Variants in ADGRL3 observed in about 807,000 individuals in gnomAD.
The protein encoded by ADGRL3 is calcium-independent alpha-latrotoxin receptor 3.
In ADGRL3, 62 loss-of-function variants were observed where a neutral mutation model predicts 153.5. The ratio of observed to expected loss-of-function variants is 0.40; its 90% CI spans 0.33 to 0.50. The LOEUF is 0.50. ADGRL3 is among the 20% of genes least tolerant of loss of function. ADGRL3 has a pLI of 0.47. For missense variants in ADGRL3, 1,641 were observed against 1,859.4 expected (o/e 0.88, Z 2.16); for synonymous variants, 710 against 672.5 (o/e 1.06, Z -0.86).
intron 1 of ADGRL3, among the ~76,000 whole-genome samples, chr4:61,292,635 A>G (rs2094264018): frequency 6.6e-6 from 1 of 152,170 alleles, no homozygotes; most frequent in Admixed American, 6.6e-5. Flanking sequence ...AGTGAATAAC[A>G]CAAATACCAG....
intron 9 of ADGRL3, among the ~76,000 whole-genome samples, chr4:61,848,918 G>A (rs2098169043): frequency 6.6e-6 from 1 of 152,126 alleles, no homozygotes; most frequent in Non-Finnish European, 1.5e-5. Context: ...CAGAGGCAGT[G>A]AAGAAAGCTC....
intron 3 of ADGRL3, among the ~76,000 whole-genome samples, chr4:61,506,584 G>T (rs572849580): frequency 7.2e-5 from 11 of 152,174 alleles, no homozygotes; most frequent in Non-Finnish European, 1.2e-4. Context: ...TATTCAAAGT[G>T]CAATTCTGTC....
intron 1 of ADGRL3, among the ~76,000 whole-genome samples, chr4:61,360,004 A>G (rs1052009992): frequency 6.6e-6 from 1 of 152,152 alleles, no homozygotes; most frequent in Non-Finnish European, 1.5e-5. Context: ...TTTTCAGCTG[A>G]TGTTTCATCT....
chr4:61,600,307 C>CAAAAAA (rs60557691), intron 5 of ADGRL3, among the ~76,000 whole-genome samples: 17,677 of 61,768 alleles, frequency 0.29, 5,166 homozygotes, highest in East Asian at 0.67. Flanking sequence ...GGCTGCCTTG[C>CAAAAAA]AAAAAAAAAA....
At chr4:62,046,190 G>A (rs941310474) in intron 25 of ADGRL3, among the ~76,000 whole-genome samples, 6 of 151,628 alleles carry the variant, frequency 4.0e-5, no homozygotes, top group Non-Finnish European at 8.9e-5. Flanking sequence ...TAATGATCCC[G>A]GAAGCCATTG....
intron 4 of ADGRL3, among the ~76,000 whole-genome samples, chr4:61,534,153 T>TGCCA (rs2098640622): frequency 6.6e-6 from 1 of 152,282 alleles, no homozygotes; most frequent in Non-Finnish European, 1.5e-5. Context: ...CAGTTTCATT[T>TGCCA]TTCTGCATAT....
At chr4:61,799,558 A>T (rs2097462999) in intron 8 of ADGRL3, among the ~76,000 whole-genome samples, 1 of 152,164 alleles carries the variant, frequency 6.6e-6, no homozygotes, top group Non-Finnish European at 1.5e-5. Flanking sequence ...CTACTCTATG[A>T]AATATCTATC....
chr4:61,466,553 A>G (rs2097886746), intron 2 of ADGRL3, among the ~76,000 whole-genome samples: 1 of 152,196 alleles, frequency 6.6e-6, no homozygotes, highest in Non-Finnish European at 1.5e-5. Context: ...TTATATTGCC[A>G]AAGAGTGGAC....
intron 5 of ADGRL3, among the ~76,000 whole-genome samples, chr4:61,588,317 A>G (rs2098955200): frequency 6.6e-6 from 1 of 151,960 alleles, no homozygotes; most frequent in South Asian, 2.1e-4. Context: ...TCTAAAGACA[A>G]AAACAGTAGA....
At chr4:61,290,693 AG>A (rs2094142950) in intron 1 of ADGRL3, among the ~76,000 whole-genome samples, 1 of 149,064 alleles carries the variant, frequency 6.7e-6, no homozygotes, top group Admixed American at 6.7e-5. Context: ...GAAGGAGGGA[AG>A]GAGGGAAGGA....
At chr4:61,424,130 C>T (rs374394541) in intron 2 of ADGRL3, among the ~76,000 whole-genome samples, 68 of 152,176 alleles carry the variant, frequency 4.5e-4, no homozygotes, top group African/African-American at 1.5e-3. Context: ...CTTTATTATA[C>T]GCTGTCCCTC....
intron 2 of ADGRL3, among the ~76,000 whole-genome samples, chr4:61,496,813 C>A (rs170842): frequency 2.0e-5 from 3 of 150,150 alleles, no homozygotes; most frequent in Non-Finnish European, 4.4e-5. Flanking sequence ...TGGTGGTGGG[C>A]GCTTGTAGTC....
rs200193323 is a variant in ADGRL3 at position 61,915,910 on chromosome 4, G to GT, written c.2112+3163dup. ...AGATGATTTCTAAGTCATCATAATT[G>GT]TTTTTTTTTTAATATAGCCTTTTCA... On this transcript the variant is annotated intron_variant, in intron 13 of 26. Coordinates refer to ENST00000683033, the MANE Select transcript of ADGRL3 (RefSeq NM_001387552.1). Among the ~76,000 whole-genome samples, 1,064 of 147,878 alleles carry GT rather than the reference G, an allele frequency of 7.2e-3. 9 individuals are homozygous for GT. Among genetic ancestry groups the GT allele is most frequent in the Middle Eastern group, 0.028 (8 of 290 alleles).
chr4:61,332,839 T>C (rs2095600962), intron 1 of ADGRL3, among the ~76,000 whole-genome samples: 1 of 152,096 alleles, frequency 6.6e-6, no homozygotes, highest in South Asian at 2.1e-4. Context: ...ACTTATATGT[T>C]AGGCCAAGGT....
chr4:61,909,828 A>C (rs1162764810), intron 12 of ADGRL3, 83 bp downstream of exon 12: 1 of 1,076,860 alleles, frequency 9.3e-7, no homozygotes, highest in Non-Finnish European at 1.3e-6. Flanking sequence ...AAAATCAGAA[A>C]GACTTCACTG....
At chr4:61,474,771 C>A (rs928596213) in intron 2 of ADGRL3, among the ~76,000 whole-genome samples, 1 of 152,054 alleles carries the variant, frequency 6.6e-6, no homozygotes, top group African/African-American at 2.4e-5. Flanking sequence ...TGAGGGATTA[C>A]CAGTTCTCTG....
intron 17 of ADGRL3, among the ~76,000 whole-genome samples, chr4:61,955,112 G>C (rs981738788): frequency 6.6e-6 from 1 of 152,130 alleles, no homozygotes; most frequent in African/African-American, 2.4e-5. Flanking sequence ...GTGGGTTAGC[G>C]TAGGTGTTTT....
chr4:61,347,783 T>C (rs532941904), intron 1 of ADGRL3, among the ~76,000 whole-genome samples: 32 of 152,278 alleles, frequency 2.1e-4, no homozygotes, highest in African/African-American at 7.7e-4. Context: ...ATTTTGTACA[T>C]TTTATATCTG....
chr4:62,044,600 A>C (rs1730113397), intron 25 of ADGRL3, 51 bp downstream of exon 25: 8 of 1,246,246 alleles, frequency 6.4e-6, no homozygotes, highest in Non-Finnish European at 8.0e-6. Flanking sequence ...TACTTTAAGA[A>C]GTCCTTAAAT....
Sources: allele counts gnomAD v4.1 joint callset (sites outside exome capture counted in the v4.1 genomes callset), GRCh38; gene constraint gnomAD v4.1.1; transcripts MANE v1.5; gene names NCBI Gene and HGNC (gene_info 2026-07-23, HGNC 2026-07-21).